The following PCDH9 variants were observed in gnomAD, a reference collection of about 807,000 sequenced individuals.
PCDH9 encodes protocadherin 9.
A neutral mutation model predicts 70.6 loss-of-function variants in PCDH9; 24 were observed. That is an observed-to-expected ratio of 0.34 (90% CI 0.25 to 0.48). The LOEUF (loss-of-function observed/expected upper bound fraction) is 0.48. Among genes scored for constraint, PCDH9 ranks in the 20% least tolerant of loss-of-function variants. PCDH9 has a pLI of 0.99. For synonymous variants in PCDH9, 562 were observed against 558.5 expected (o/e 1.01, Z -0.09); for missense variants, 1,281 against 1,503.6 (o/e 0.85, Z 2.45).
At chr13:67,041,536 CTGT>C (rs1437728936) in intron 2 of PCDH9, among the ~76,000 whole-genome samples, 3 of 152,094 alleles carry the variant, frequency 2.0e-5, no homozygotes, top group African/African-American at 7.2e-5. Context: ...TACCCTAAGA[CTGT>C]ACCTGTCTAT....
intron 2 of PCDH9, among the ~76,000 whole-genome samples, chr13:67,088,981 T>C (rs1275095300): frequency 6.6e-6 from 1 of 152,022 alleles, no homozygotes; most frequent in Non-Finnish European, 1.5e-5. Context: ...TTTGAAAGCA[T>C]ATAAACAAGC....
chr13:67,151,684 A>G (rs764669896), intron 2 of PCDH9, among the ~76,000 whole-genome samples: 5 of 152,040 alleles, frequency 3.3e-5, no homozygotes, highest in Non-Finnish European at 5.9e-5. Flanking sequence ...CTCTATACTT[A>G]GAGGAAGAAA....
At chr13:66,788,127 C>A (rs572208367) in intron 3 of PCDH9, among the ~76,000 whole-genome samples, 1 of 152,226 alleles carries the variant, frequency 6.6e-6, no homozygotes, top group East Asian at 1.9e-4. Context: ...TAATTTATTT[C>A]TTCACAATCC....
At position 66,324,200 on chromosome 13, in the gene PCDH9, G is replaced by A. The variant is rs575800080; in HGVS notation, c.3341-19172C>T. ...ACCATGGGAAACCCATGAGGCTGGA[G>A]CTTCCTTTTGCATCTGAGAGAATAC... On this transcript the variant is annotated intron_variant, in intron 4 of 4. Coordinates refer to ENST00000377865, the MANE Select transcript of PCDH9 (RefSeq NM_203487.3). 3.3e-5 allele frequency among the ~76,000 whole-genome samples: 5 copies of A among 152,108 alleles called. No individual in the cohort carries two copies. The East Asian group carries it at 9.7e-4, about 29-fold the overall frequency.
chr13:66,788,192 C>T (rs1396503138), intron 3 of PCDH9, among the ~76,000 whole-genome samples: 1 of 152,138 alleles, frequency 6.6e-6, no homozygotes, highest in Non-Finnish European at 1.5e-5. Context: ...GTTACATCCT[C>T]ACATGGTGGT....
intron 2 of PCDH9, among the ~76,000 whole-genome samples, chr13:67,146,738 A>G (rs1328777008): frequency 6.6e-6 from 1 of 152,208 alleles, no homozygotes; most frequent in Non-Finnish European, 1.5e-5. Flanking sequence ...AGTGCTTTCA[A>G]TGCTTGTGGA....
intron 4 of PCDH9, among the ~76,000 whole-genome samples, chr13:66,605,718 T>G (rs886947296): frequency 6.6e-6 from 1 of 152,166 alleles, no homozygotes; most frequent in African/African-American, 2.4e-5. Flanking sequence ...AACATGTTTT[T>G]CATACATTAT....
chr13:66,782,719 T>C (rs1279602283), intron 3 of PCDH9: 2 of 152,182 alleles, frequency 1.3e-5, no homozygotes, highest in Non-Finnish European at 2.9e-5. Context: ...CTCACATTTG[T>C]GGCTCATATT....
chr13:67,200,471 A>C (rs1329407573), intron 2 of PCDH9, among the ~76,000 whole-genome samples: 1 of 152,064 alleles, frequency 6.6e-6, no homozygotes, highest in Non-Finnish European at 1.5e-5. Context: ...TCTTAGCAAA[A>C]TAAGTGAATC....
intron 4 of PCDH9, among the ~76,000 whole-genome samples, chr13:66,457,078 C>T (rs1257523710): frequency 2.0e-5 from 3 of 151,828 alleles, no homozygotes; most frequent in Non-Finnish European, 2.9e-5. Context: ...ATTAAGTCTG[C>T]GTACTTGTGC....
intron 2 of PCDH9, among the ~76,000 whole-genome samples, chr13:67,017,171 A>G (rs2084580300): frequency 6.6e-6 from 1 of 152,210 alleles, no homozygotes; most frequent in African/African-American, 2.4e-5. Context: ...AGAAAAATAG[A>G]ATGATTTCAT....
intron 2 of PCDH9, among the ~76,000 whole-genome samples, chr13:67,022,091 G>T: frequency 7.3e-6 from 1 of 137,566 alleles, no homozygotes; most frequent in Non-Finnish European, 1.5e-5. Flanking sequence ...GTCAAAGGGT[G>T]GACAAGGTGA....
At chr13:66,882,778 A>G (rs1363002275) in intron 3 of PCDH9, among the ~76,000 whole-genome samples, 1 of 152,166 alleles carries the variant, frequency 6.6e-6, no homozygotes, top group East Asian at 1.9e-4. Context: ...TTATAGGAGG[A>G]TGTTTACAAA....
rs1293314630 is a variant in PCDH9, at chr13:66,607,648, A to G, written c.3340+23562T>C. Among the ~76,000 whole-genome samples, 5 of 152,114 alleles carry G rather than the reference A, an allele frequency of 3.3e-5. No individual in the cohort carries two copies. The South Asian group carries it at 8.3e-4, about 25-fold the overall frequency. On this transcript the variant is annotated intron_variant, in intron 4 of 4. Transcript: ENST00000377865. ...ATATTTCTGTATTCTCATAGTACCAATGAATTAGTCTCAAATGTTATTTGA... is the reference window on the plus strand; with the variant it reads ...ATATTTCTGTATTCTCATAGTACCAGTGAATTAGTCTCAAATGTTATTTGA...
At chr13:66,700,159 C>A (rs1461432334) in intron 3 of PCDH9, among the ~76,000 whole-genome samples, 2 of 141,784 alleles carry the variant, frequency 1.4e-5, no homozygotes, top group Non-Finnish European at 3.2e-5. Context: ...GTATTGCCAA[C>A]ACTAATCAAA....
At chr13:67,054,710 G>C (rs1029081191) in intron 2 of PCDH9, among the ~76,000 whole-genome samples, 3 of 152,242 alleles carry the variant, frequency 2.0e-5, no homozygotes, top group African/African-American at 7.2e-5. Flanking sequence ...ATTATAATCT[G>C]TTATAATCAA....
chr13:66,815,754 C>T (rs1054965419), intron 3 of PCDH9, among the ~76,000 whole-genome samples: 3 of 151,982 alleles, frequency 2.0e-5, no homozygotes, highest in Non-Finnish European at 4.4e-5. Flanking sequence ...ACACCAGGGC[C>T]TACTTGAGGC....
At chr13:66,455,769 T>A (rs1320083231) in intron 4 of PCDH9, among the ~76,000 whole-genome samples, 3 of 152,150 alleles carry the variant, frequency 2.0e-5, no homozygotes, top group Admixed American at 6.6e-5. Flanking sequence ...TGGAAAGTAA[T>A]CTTTTTTCTT....
chr13:66,487,354 G>A (rs1958960854), intron 4 of PCDH9, among the ~76,000 whole-genome samples: 1 of 152,044 alleles, frequency 6.6e-6, no homozygotes, highest in South Asian at 2.1e-4. Flanking sequence ...ATGTTATCTA[G>A]GACAAAAGAA....
Sources: allele counts gnomAD v4.1 joint callset (sites outside exome capture counted in the v4.1 genomes callset), GRCh38; gene constraint gnomAD v4.1.1; transcripts MANE v1.5; gene names NCBI Gene and HGNC (gene_info 2026-07-23, HGNC 2026-07-21).